Variants in CEMIP2 observed in about 807,000 individuals in gnomAD.
The protein encoded by CEMIP2 is cell surface hyaluronidase CEMIP2.
CEMIP2 carries 79 observed loss-of-function variants against 146.9 expected under a neutral mutation model. The ratio of observed to expected loss-of-function variants is 0.54; its 90% CI spans 0.45 to 0.65. The LOEUF is 0.65. Ranked by LOEUF, CEMIP2 falls within the 30% of genes least tolerant of loss-of-function variation. The pLI, the probability that CEMIP2 is intolerant of heterozygous loss-of-function variation, is 0.00. For missense variants in CEMIP2, 1,596 were observed against 1,696.2 expected (o/e 0.94, Z 1.04); for synonymous variants, 601 against 606.3 (o/e 0.99, Z 0.13).
At position 71,731,186 on chromosome 9, in the gene CEMIP2, T is replaced by C. The variant is rs540849160; in HGVS notation, c.1564-272A>G. ...CAATAATGATCTCTGCTAAGTGTTT[T>C]GATTTGTTCAAATATTTTGGTCATT... is the stretch of plus-strand genomic sequence containing the variant. On this transcript the variant is annotated intron_variant, in intron 7 of 23. Coordinates refer to ENST00000377044, the MANE Select transcript of CEMIP2 (RefSeq NM_013390.3). 2.5e-4 allele frequency among the ~76,000 whole-genome samples: 38 copies of C among 152,362 alleles called. No individual in the cohort carries two copies. The East Asian group carries it at 6.9e-3, about 28-fold the overall frequency.
intron 22 of CEMIP2, among the ~76,000 whole-genome samples, chr9:71,689,074 A>T (rs1360053555): frequency 1.3e-5 from 2 of 152,172 alleles, no homozygotes; most frequent in African/African-American, 2.4e-5. Context: ...ACTTGTGGTG[A>T]GATTTATGTC....
At chr9:71,713,873 C>T (rs1822975452) in intron 15 of CEMIP2, among the ~76,000 whole-genome samples, 3 of 152,080 alleles carry the variant, frequency 2.0e-5, no homozygotes, top group Admixed American at 2.0e-4. Flanking sequence ...TACAACAGGG[C>T]CTGACATATC....
rs759733387 is a variant in CEMIP2 at position 71,729,846 on chromosome 9, T to C, written c.2048A>G (p.Gln683Arg). ...NLINNAAAGS[Q>R]DAGIWYLFHK... is the part of the protein sequence containing the mutation. ...TGAGGTCACTTTAACGTTATTTACC[T>C]GTGAGCCTGCAGCTGCATTATTAAT... Residue 683 changes from glutamine (Q) to arginine (R), a missense_variant and splice_region_variant, in exon 10 of 24, where the codon CAG (glutamine) becomes CGG (arginine). Coordinates refer to ENST00000377044, the MANE Select transcript of CEMIP2 (RefSeq NM_013390.3). The C allele has an allele frequency of 1.2e-6, 2 of 1,613,876 alleles. No individual in the cohort carries two copies. Among genetic ancestry groups the C allele is most frequent in the African/African-American group, 1.3e-5 (1 of 74,918 alleles).
chr9:71,766,801 C>A (rs1824810502), intron 1 of CEMIP2, among the ~76,000 whole-genome samples: 1 of 152,118 alleles, frequency 6.6e-6, no homozygotes, highest in African/African-American at 2.4e-5. Context: ...CGCTTCTAAT[C>A]TTAGTTTTCT....
At chr9:71,753,160 G>A (rs967202709) in intron 1 of CEMIP2, among the ~76,000 whole-genome samples, 3 of 152,166 alleles carry the variant, frequency 2.0e-5, no homozygotes, top group African/African-American at 7.2e-5. Flanking sequence ...TCACCAGGGT[G>A]GGAGGGGAAT....
chr9:71,759,769 T>C (rs1824570025), intron 1 of CEMIP2, among the ~76,000 whole-genome samples: 1 of 128,062 alleles, frequency 7.8e-6, no homozygotes. Context: ...CAACGGATAA[T>C]GAAATAAAAG....
chr9:71,740,775 T>C (rs560077113), intron 4 of CEMIP2, among the ~76,000 whole-genome samples: 27 of 152,180 alleles, frequency 1.8e-4, no homozygotes, highest in Non-Finnish European at 3.8e-4. Flanking sequence ...GACAGGGTCT[T>C]ACTATGTTTT....
intron 10 of CEMIP2, among the ~76,000 whole-genome samples, chr9:71,728,302 C>CGTATATATATATACGTATAT: frequency 8.6e-5 from 1 of 11,578 alleles, no homozygotes; most frequent in South Asian, 3.5e-3. Context: ...TATATATATA[C>CGTATATATATATACGTATAT]ATATATATAT....
chr9:71,684,020 A>C lies in CEMIP2; in HGVS notation c.*1177T>G, dbSNP rs755489339. On this transcript the variant is annotated 3_prime_UTR_variant, in exon 24 of 24. Coordinates refer to ENST00000377044, the MANE Select transcript of CEMIP2 (RefSeq NM_013390.3). The stretch of plus-strand genomic sequence containing the variant: ...CATGTGATTCACCAGCAGGAGACGC[A>C]TGCACCCTGTGGAAAGGGAAGCTGG... 5.3e-5 allele frequency: 8 copies of C among 152,246 alleles called. No individual in the cohort carries two copies. The highest frequency in any genetic ancestry group is 8.8e-5 in the Non-Finnish European group (6 of 68,070). 9.4% of individuals were successfully genotyped at this position (152,246 alleles called of 1,614,324 possible).
chr9:71,734,477 A>G (rs1261677470), intron 6 of CEMIP2, among the ~76,000 whole-genome samples: 1 of 152,214 alleles, frequency 6.6e-6, no homozygotes, highest in African/African-American at 2.4e-5. Flanking sequence ...CTATGTAATG[A>G]ACCTACACAT....
At chr9:71,723,499 T>C (rs1823301968) in intron 11 of CEMIP2, among the ~76,000 whole-genome samples, 1 of 152,182 alleles carries the variant, frequency 6.6e-6, no homozygotes, top group Admixed American at 6.5e-5. Flanking sequence ...TGATATCATT[T>C]TGTAATTGAT....
chr9:71,740,178 T>C lies in CEMIP2; in HGVS notation c.1089A>G (p.Glu363=). The change falls in exon 5 of 24, where the codon GAA becomes GAG. Residue 363 remains glutamate (E), a synonymous_variant. Transcript: ENST00000377044. ...TATGATTTTCATAGTTTCTCACGGATTCATTGCAAGAAGTGCTTCCACCAT... is the reference window on the plus strand; with the variant it reads ...TATGATTTTCATAGTTTCTCACGGACTCATTGCAAGAAGTGCTTCCACCAT... ...VIDGGSTSCN[E]SVRNYENHSS... is the part of the protein sequence containing the mutation. 6.2e-7 allele frequency: 1 copy of C among 1,614,004 alleles called. No homozygotes were observed. The highest frequency in any genetic ancestry group is 8.5e-7 in the Non-Finnish European group (1 of 1,180,012).
Position 71,704,451 on chromosome 9 carries a change from C to G in CEMIP2, c.3194+144G>C, listed in dbSNP as rs1254314511. The G allele has an allele frequency of 3.9e-6, 3 of 777,954 alleles. No homozygotes were observed. In the East Asian group the frequency reaches 8.1e-5, roughly 21 times the overall value. 48.2% of individuals were successfully genotyped at this position (777,954 alleles called of 1,614,324 possible). ...TATAATCTCTTTAATTCCATCAACA[C>G]AAAATATACAGCCTCCCCACAAGAG... On this transcript the variant is annotated intron_variant, in intron 18 of 23. Coordinates refer to ENST00000377044, the MANE Select transcript of CEMIP2 (RefSeq NM_013390.3).
intron 2 of CEMIP2, among the ~76,000 whole-genome samples, chr9:71,749,631 A>T (rs1824187595): frequency 6.6e-6 from 1 of 152,024 alleles, no homozygotes; most frequent in African/African-American, 2.4e-5. Context: ...ATTTGAACCC[A>T]GGGGGCGGAG....
At chr9:71,739,363 A>T (rs1823851438) in intron 5 of CEMIP2, among the ~76,000 whole-genome samples, 2 of 9,612 alleles carry the variant, frequency 2.1e-4, no homozygotes, top group Non-Finnish European at 7.7e-4. Flanking sequence ...CTCTGTCTCA[A>T]AAAAAAAAAA....
intron 6 of CEMIP2, among the ~76,000 whole-genome samples, 166 bp from the exon 7 acceptor site, chr9:71,732,686 ATTTTTTTTTTTTTTTTTT>A (rs59985618): frequency 7.9e-5 from 6 of 75,814 alleles, no homozygotes; most frequent in African/African-American, 3.7e-4. Context: ...GACACGGGGA[ATTTTTTTTTTTTTTTTTT>A]TTTTTTTTTT....
chr9:71,730,347 T>C, intron 8 of CEMIP2, 94 bp from the exon 9 acceptor site: 2 of 1,283,900 alleles, frequency 1.6e-6, no homozygotes, highest in Non-Finnish European at 1.1e-6. Context: ...TCAGTACAAG[T>C]GGAAAAACAG....
At chr9:71,736,185 T>C (rs977731637) in intron 5 of CEMIP2, among the ~76,000 whole-genome samples, 1 of 152,236 alleles carries the variant, frequency 6.6e-6, no homozygotes, top group Non-Finnish European at 1.5e-5. Flanking sequence ...CCTTCCATTC[T>C]TCTTGACCAA....
At chr9:71,707,844 C>T (rs1036809070) in intron 17 of CEMIP2, among the ~76,000 whole-genome samples, 1 of 152,220 alleles carries the variant, frequency 6.6e-6, no homozygotes, top group African/African-American at 2.4e-5. Context: ...CTCTAATTCT[C>T]GTCTCCATGT....
Sources: allele counts gnomAD v4.1 joint callset (sites outside exome capture counted in the v4.1 genomes callset), GRCh38; gene constraint gnomAD v4.1.1; transcripts MANE v1.5; gene names NCBI Gene and HGNC (gene_info 2026-07-23, HGNC 2026-07-21).